NCOR2: variants seen among roughly 807,000 people sequenced by gnomAD.
The protein encoded by NCOR2 is nuclear receptor corepressor 2, also known as CTG repeat protein 26.
In NCOR2, 81 loss-of-function variants were observed where a neutral mutation model predicts 262.9. The observed-to-expected ratio is 0.31, with a 90% confidence interval of 0.26 to 0.37. The LOEUF (loss-of-function observed/expected upper bound fraction) is 0.37. NCOR2 is among the 10% of genes least tolerant of loss of function. The probability of loss-of-function intolerance (pLI) is 1.00; values close to 1 mark genes in which losing one functional copy is unlikely to be tolerated. For synonymous variants in NCOR2, 1,659 were observed against 1,559.3 expected, an observed-to-expected ratio of 1.06 and a Z score of -1.51; for missense variants, 3,385 against 3,621.4, an observed-to-expected ratio of 0.93 and a Z score of 1.68.
In NCOR2 at chr12:124,425,149, C is replaced by A. The variant is rs1244089; in HGVS notation, c.1328+1473G>T. 4.4e-3 allele frequency among the ~76,000 whole-genome samples: 668 copies of A among 152,250 alleles called. 1 individual carries two copies. The highest frequency in any genetic ancestry group is 0.016 in the South Asian group (79 of 4,822). On this transcript the variant is annotated intron_variant, in intron 11 of 46. Transcript: ENST00000405201. ...CAGCACTTTGGGAGGCCGAGACGGG[C>A]GGATCACGAGGTCAGGAGATCGAGA...
intron 30 of NCOR2, 38 bp from the exon 33 acceptor site, chr12:124,346,888 C>T: frequency 6.8e-7 from 1 of 1,468,566 alleles, no homozygotes; most frequent in Non-Finnish European, 9.0e-7. Context: ...CGCCCCGCCC[C>T]ACCCAGACCC....
intron 38 of NCOR2, chr12:124,336,004 T>G: frequency 9.0e-6 from 2 of 221,466 alleles, no homozygotes; most frequent in Non-Finnish European, 1.8e-5. Flanking sequence ...AGTGGGGGTG[T>G]GGCTGGGAGT....
chr12:124,340,129 T>G, exon 37 of NCOR2: 1 of 1,611,652 alleles, frequency 6.2e-7, no homozygotes, highest in Non-Finnish European at 8.5e-7. Context: ...CGAGTGCTGG[T>G]GGGCATGGGA....
intron 13 of NCOR2, among the ~76,000 whole-genome samples, chr12:124,404,975 CTGA>C (rs1196162614): frequency 6.6e-6 from 1 of 152,218 alleles, no homozygotes; most frequent in Non-Finnish European, 1.5e-5. Flanking sequence ...GGAGCAAAGG[CTGA>C]CGGCCCAGAG....
chr12:124,366,596 C>T (rs11057600), intron 20 of NCOR2, among the ~76,000 whole-genome samples: 80,039 of 151,976 alleles, frequency 0.53, 22,188 homozygotes, highest in Non-Finnish European at 0.61. Context: ...AGCCTTGACC[C>T]CCTGGGCTCA....
chr12:124,483,049 G>A lies in NCOR2; in HGVS notation c.411+547C>T, dbSNP rs548948679. 8.6e-5 allele frequency among the ~76,000 whole-genome samples: 13 copies of A among 152,032 alleles called. No homozygotes were observed. The South Asian group carries it at 1.9e-3, about 22-fold the overall frequency. ...AAGAATCCAGAAGCCTCAGGTGCCT[G>A]GCAGAGCCCTGAGCTGTCCACCTCG... is the stretch of plus-strand genomic sequence containing the variant. On this transcript the variant is annotated intron_variant, in intron 3 of 46. Transcript: ENST00000405201. This position sits in a 1 kb window ranked among gnomAD's most constrained non-coding sequence, Gnocchi z 6.3.
intron 7 of NCOR2, 100 bp downstream of exon 9, chr12:124,449,715 G>A (rs2045402123): frequency 7.1e-7 from 1 of 1,418,056 alleles, no homozygotes; most frequent in African/African-American, 1.4e-5. Context: ...AGCCCCTGAT[G>A]GGAACAGAGA....
exon 5 of NCOR2, chr12:124,466,253 C>T (rs2046409948): frequency 1.2e-6 from 2 of 1,608,976 alleles, no homozygotes; most frequent in Admixed American, 1.7e-5. Context: ...TTCTCAGGCT[C>T]GGGCGGCTTG....
intron 2 of NCOR2, among the ~76,000 whole-genome samples, chr12:124,486,147 C>A (rs2047756482): frequency 1.3e-5 from 2 of 152,158 alleles, no homozygotes; most frequent in Admixed American, 6.5e-5. Flanking sequence ...GGACTCAAAT[C>A]TTCCCACAGA....
chr12:124,326,503 C>A (rs2034655764), intron 45 of NCOR2, 133 bp from the exon 48 acceptor site: 1 of 873,776 alleles, frequency 1.1e-6, no homozygotes, highest in East Asian at 3.3e-5. Flanking sequence ...GTAACGTGAA[C>A]CCCTCCTCCC....
intron 3 of NCOR2, among the ~76,000 whole-genome samples, chr12:124,478,258 C>G (rs2047215591): frequency 6.6e-6 from 1 of 152,216 alleles, no homozygotes; most frequent in Non-Finnish European, 1.5e-5. Context: ...CAAGCTGTTA[C>G]CTGAAGCTAA....
At chr12:124,359,405 G>A (rs966576953) in intron 22 of NCOR2, among the ~76,000 whole-genome samples, 16 of 152,336 alleles carry the variant, frequency 1.1e-4, no homozygotes, top group Middle Eastern at 3.4e-3. Flanking sequence ...CAGAGCAGGT[G>A]GGCAAGAAGG....
At chr12:124,542,227 G>C (rs548524105) in intron 1 of NCOR2, among the ~76,000 whole-genome samples, 2 of 152,022 alleles carry the variant, frequency 1.3e-5, no homozygotes, top group South Asian at 2.1e-4. Context: ...CACAGGAACA[G>C]GGCGGGCCAT....
At chr12:124,446,766 T>A (rs1356658334) in intron 7 of NCOR2, among the ~76,000 whole-genome samples, 2 of 152,204 alleles carry the variant, frequency 1.3e-5, no homozygotes, top group East Asian at 1.9e-4. Context: ...ATAGAAGGGA[T>A]GATAATTTTA....
chr12:124,469,314 C>A lies in NCOR2; in HGVS notation c.592-3028G>T, dbSNP rs143275325. On this transcript the variant is annotated intron_variant, in intron 4 of 46. Coordinates refer to ENST00000405201, the Ensembl canonical transcript of NCOR2. ...TGAACACAGGAAAAGCCAGAAAATC[C>A]AGGATGCTGGCTTTTACAGACTCCA... Among the ~76,000 whole-genome samples the A allele has an allele frequency of 1.7e-4, 26 of 152,254 alleles. 1 individual carries two copies. The East Asian group carries it at 5.0e-3, about 29-fold the overall frequency.
At chr12:124,522,346 T>A (rs1167293082) in intron 1 of NCOR2, among the ~76,000 whole-genome samples, 1 of 152,220 alleles carries the variant, frequency 6.6e-6, no homozygotes. Flanking sequence ...CAGCGACCTA[T>A]CCTCTCACAG....
exon 20 of NCOR2, chr12:124,372,573 G>C: frequency 1.3e-6 from 2 of 1,598,416 alleles, no homozygotes; most frequent in Non-Finnish European, 1.7e-6. Flanking sequence ...TGTGAGGAGA[G>C]GGGATGCTCT....
At chr12:124,486,491 G>C in exon 2 of NCOR2, 1 of 1,611,278 alleles carries the variant, frequency 6.2e-7, no homozygotes, top group Non-Finnish European at 8.5e-7. Context: ...TCCGCCGCTG[G>C]GGCTGGATGA....
chr12:124,555,146 C>G (rs930897536), intron 1 of NCOR2, among the ~76,000 whole-genome samples: 1 of 152,214 alleles, frequency 6.6e-6, no homozygotes, highest in Non-Finnish European at 1.5e-5. Context: ...AACAGGGAAA[C>G]TAATAGTTCT....
Sources: allele counts gnomAD v4.1 joint callset (sites outside exome capture counted in the v4.1 genomes callset), GRCh38; gene constraint gnomAD v4.1.1; non-coding constraint Gnocchi (gnomAD v3.1); transcripts MANE v1.5; gene names NCBI Gene and HGNC (gene_info 2026-07-23, HGNC 2026-07-21).